Variants in GTF2H3 observed in about 807,000 individuals in gnomAD.
GTF2H3 encodes the protein TFIIH basal transcription factor complex p34 subunit.
GTF2H3 carries 42 observed loss-of-function variants against 51.1 expected under a neutral mutation model. The observed-to-expected ratio is 0.82, with a 90% confidence interval of 0.64 to 1.06. The LOEUF (loss-of-function observed/expected upper bound fraction) is 1.06, where lower values mean the gene tolerates loss of function less well. Among genes scored for constraint, GTF2H3 ranks in the 50% least tolerant of loss-of-function variants. The probability of loss-of-function intolerance (pLI) is 0.00; values close to 1 mark genes in which losing one functional copy is unlikely to be tolerated. For missense variants in GTF2H3, 326 were observed against 366.1 expected (o/e 0.89, Z 0.89); for synonymous variants, 123 against 123.8 (o/e 0.99, Z 0.04).
chr12:123,657,253 A>G (rs2135800021), intron 9 of GTF2H3, among the ~76,000 whole-genome samples: 1 of 152,222 alleles, frequency 6.6e-6, no homozygotes, highest in Admixed American at 6.5e-5. Flanking sequence ...TCACTTGCTT[A>G]AAACCCTCCC....
chr12:123,646,752 G>A lies in GTF2H3; in HGVS notation c.200+1191G>A, dbSNP rs193227642. Among the ~76,000 whole-genome samples the A allele has an allele frequency of 2.5e-3, 380 of 150,978 alleles. 1 individual carries two copies. The highest frequency in any genetic ancestry group is 6.9e-3 in the Middle Eastern group (2 of 290). On this transcript the variant is annotated intron_variant, in intron 3 of 12. Coordinates refer to ENST00000543341, the MANE Select transcript of GTF2H3 (RefSeq NM_001516.5). ...TGCATATTTTTTCTCAGAATTGGATGAAAAGATGATATTAGTTTGGTTAAA... is the reference window on the plus strand; with the variant it reads ...TGCATATTTTTTCTCAGAATTGGATAAAAAGATGATATTAGTTTGGTTAAA...
chr12:123,651,085 G>T lies in GTF2H3; in HGVS notation c.427+29G>T, dbSNP rs1229138866. 2.0e-6 allele frequency: 3 copies of T among 1,518,728 alleles called. No individual in the cohort carries two copies. In the South Asian group the frequency reaches 3.4e-5, roughly 17 times the overall value. 94.1% of individuals were successfully genotyped at this position (1,518,728 alleles called of 1,614,324 possible). The stretch of plus-strand genomic sequence containing the variant: ...TCCTTGGTGTCTGAATCATTTAGAA[G>T]GTGTCTTCTGTAATAAACATATCTT... On this transcript the variant is annotated intron_variant, in intron 5 of 12. Transcript: ENST00000543341.
intron 1 of GTF2H3, among the ~76,000 whole-genome samples, chr12:123,638,900 A>G (rs1171153693): frequency 3.5e-5 from 5 of 143,496 alleles, no homozygotes; most frequent in Non-Finnish European, 3.0e-5. Flanking sequence ...GGTTCACGCC[A>G]TTCTCCTGGC....
At chr12:123,653,598 G>A (rs1377928529) in intron 7 of GTF2H3, among the ~76,000 whole-genome samples, 2 of 151,336 alleles carry the variant, frequency 1.3e-5, no homozygotes, top group Non-Finnish European at 2.9e-5. Flanking sequence ...GCAGTGAGCC[G>A]AGATTGCGCC....
rs201903817 is a variant in GTF2H3 at position 123,652,762 on chromosome 12, T to A, written c.486+27T>A. The A allele has an allele frequency of 3.7e-4, 542 of 1,462,898 alleles. 3 individuals are homozygous for A. The highest frequency in any genetic ancestry group is 8.9e-5 in the Non-Finnish European group (97 of 1,084,596). 90.6% of individuals were successfully genotyped at this position (1,462,898 alleles called of 1,614,324 possible). A position where few individuals can be genotyped will look rare whatever the true frequency, so the allele number is the denominator to read the frequency against. On this transcript the variant is annotated intron_variant, in intron 7 of 12. Transcript: ENST00000543341. ...TAAGATAAAAAAATCATTACTTTTT[T>A]ATATGACAACTATAATTAGAAAACA...
Position 123,633,886 on chromosome 12 carries a change from A to G in GTF2H3, c.13+14A>G, listed in dbSNP as rs768618924. Reference sequence around the variant, plus strand: ...TGGTTTCAGACGGTGAGGACCCTGCAGGGCGGGACTTCGACTCCGGGGCTC... The same window carrying G: ...TGGTTTCAGACGGTGAGGACCCTGCGGGGCGGGACTTCGACTCCGGGGCTC... On this transcript the variant is annotated intron_variant, in intron 1 of 12. Transcript: ENST00000543341. 6.2e-7 allele frequency: 1 copy of G among 1,613,162 alleles called. No homozygotes were observed. Among genetic ancestry groups the G allele is most frequent in the Non-Finnish European group, 8.5e-7 (1 of 1,179,880 alleles).
intron 3 of GTF2H3, among the ~76,000 whole-genome samples, chr12:123,647,711 C>T (rs1045737632): frequency 6.6e-6 from 1 of 152,230 alleles, no homozygotes; most frequent in African/African-American, 2.4e-5. Flanking sequence ...ACACTGGAAT[C>T]AGTAAAACAT....
intron 3 of GTF2H3, among the ~76,000 whole-genome samples, chr12:123,646,656 C>CTGCCT (rs1487696342): frequency 2.0e-5 from 3 of 152,144 alleles, no homozygotes; most frequent in Non-Finnish European, 4.4e-5. Context: ...GTTCTTAGGG[C>CTGCCT]TGCCTGCTTC....
At chr12:123,650,627 A>G (rs937865141) in intron 4 of GTF2H3, 2 of 202,084 alleles carry the variant, frequency 9.9e-6, no homozygotes, top group East Asian at 2.4e-4. Context: ...TGTACAGTTC[A>G]GTAATGTTGA....
At chr12:123,643,371 G>A (rs763659361) in intron 2 of GTF2H3, among the ~76,000 whole-genome samples, 13 of 152,140 alleles carry the variant, frequency 8.5e-5, no homozygotes, top group South Asian at 2.1e-4. Flanking sequence ...TGGGTACCTC[G>A]GTTTTGGGGA....
At position 123,654,999 on chromosome 12, in the gene GTF2H3, G is replaced by T; in HGVS notation, c.561+1G>T. On this transcript the variant is annotated splice_donor_variant, in intron 8 of 12. Transcript: ENST00000543341. LOFTEE classifies it high-confidence loss of function. ...TGTCATCTTTGCAGCACAGAAACAG[G>T]TGAACTGAGAGCCTGCCGTTTAAAG... 2 of 1,607,538 alleles carry T rather than the reference G, an allele frequency of 1.2e-6. No individual in the cohort carries two copies. The highest frequency in any genetic ancestry group is 1.7e-6 in the Non-Finnish European group (2 of 1,173,986).
Position 123,639,343 on chromosome 12 carries a change from G to A in GTF2H3, c.93G>A (p.Gln31=). The A allele has an allele frequency of 6.6e-7, 1 of 1,522,320 alleles. No homozygotes were observed. Among genetic ancestry groups the A allele is most frequent in the Non-Finnish European group, 9.1e-7 (1 of 1,096,768 alleles). The allele number at this position is 1,522,320 out of a possible 1,614,324, so 94.3% of individuals were successfully genotyped here. The change falls in exon 2 of 13, where the codon CAG becomes CAA. Residue 31 remains glutamine (Q), a splice_region_variant and synonymous_variant. Coordinates refer to ENST00000543341, the MANE Select transcript of GTF2H3 (RefSeq NM_001516.5). The stretch of plus-strand genomic sequence containing the variant: ...GAAAGCAAGCATTAAAGGAATCTCA[G>A]GTAAGACTGCTTGAGGAGGCCTTTG... The part of the protein sequence containing the change: ...WWGKQALKES[Q]FTLSKCIDAV...
intron 1 of GTF2H3, among the ~76,000 whole-genome samples, chr12:123,637,790 G>T (rs1955306439): frequency 1.3e-5 from 2 of 151,962 alleles, no homozygotes; most frequent in African/African-American, 2.4e-5. Flanking sequence ...GCCCAGCCTG[G>T]TTTTTTTACC....
At chr12:123,637,036 ATT>A (rs1404713900) in intron 1 of GTF2H3, among the ~76,000 whole-genome samples, 3 of 152,208 alleles carry the variant, frequency 2.0e-5, no homozygotes, top group Admixed American at 2.0e-4. Flanking sequence ...AGTGAGCTAT[ATT>A]CGTGGCACTG....
intron 3 of GTF2H3, 116 bp from the exon 4 acceptor site, chr12:123,647,847 G>C (rs1955469561): frequency 3.6e-6 from 2 of 559,670 alleles, no homozygotes; most frequent in Non-Finnish European, 6.1e-6. Flanking sequence ...GTGGAATCTT[G>C]TGAGTCCCAC....
intron 7 of GTF2H3, 135 bp from the exon 8 acceptor site, chr12:123,654,789 T>C (rs1955565790): frequency 1.5e-6 from 1 of 675,808 alleles, no homozygotes; most frequent in East Asian, 2.7e-5. Context: ...CTTTATACTT[T>C]AGGTATCATT....
chr12:123,637,317 CA>C (rs995782942), intron 1 of GTF2H3, among the ~76,000 whole-genome samples: 23 of 151,912 alleles, frequency 1.5e-4, no homozygotes, highest in Admixed American at 1.1e-3. Context: ...AGGAGGATCA[CA>C]AGCCCAGGAT....
intron 1 of GTF2H3, among the ~76,000 whole-genome samples, chr12:123,637,090 A>C (rs1315598632): frequency 6.6e-6 from 1 of 152,168 alleles, no homozygotes; most frequent in Non-Finnish European, 1.5e-5. Flanking sequence ...TTGTTTAAAA[A>C]TACATAAATA....
At position 123,656,165 on chromosome 12, in the gene GTF2H3, C is replaced by G. The variant is rs117509572; in HGVS notation, c.615+341C>G. 32 of 202,420 alleles carry G rather than the reference C, an allele frequency of 1.6e-4. 1 individual carries two copies. Among genetic ancestry groups the G allele is most frequent in the Non-Finnish European group, 2.9e-4 (29 of 100,040 alleles). 12.5% of individuals were successfully genotyped at this position (202,420 alleles called of 1,614,324 possible). ...ATGTTGTTTCCTAAAGGATCAGTTA[C>G]AAGCACAAAACTATGACAAACCCTG... On this transcript the variant is annotated intron_variant, in intron 9 of 12. Transcript: ENST00000543341.
Sources: gnomAD v4.1 joint callset for allele counts (sites outside exome capture counted in the v4.1 genomes callset) on GRCh38, gnomAD v4.1.1 for gene constraint, MANE v1.5 for transcripts, NCBI Gene and HGNC (gene_info 2026-07-23, HGNC 2026-07-21) for gene names.